RUNX2: variants seen among roughly 807,000 people sequenced by gnomAD.
RUNX2 encodes the protein runt-related transcription factor 2.
Under a neutral mutation model 51.7 loss-of-function variants are expected in RUNX2, and 10 were observed. The observed-to-expected ratio is 0.19, with a 90% CI of 0.12 to 0.33. The LOEUF is 0.33. Among genes scored for constraint, RUNX2 ranks in the 10% least tolerant of loss-of-function variants. RUNX2 has a pLI of 1.00. For synonymous variants in RUNX2, 276 were observed against 273.6 expected, an observed-to-expected ratio of 1.01 and a Z score of -0.09; for missense variants, 562 against 691.3, an observed-to-expected ratio of 0.81 and a Z score of 2.10.
chr6:45,470,766 T>A (rs1477719651), intron 5 of RUNX2, among the ~76,000 whole-genome samples: 2 of 152,242 alleles, frequency 1.3e-5, no homozygotes, highest in East Asian at 3.8e-4. Flanking sequence ...CTAACAGGCC[T>A]GTTTCCCCTT....
At chr6:45,530,596 T>C (rs777989495) in intron 7 of RUNX2, among the ~76,000 whole-genome samples, 29 of 152,194 alleles carry the variant, frequency 1.9e-4, no homozygotes, top group Non-Finnish European at 3.7e-4. Context: ...AGGATGCTGC[T>C]GGTCATCCAA....
At chr6:45,345,891 A>G (rs751245351) in intron 2 of RUNX2, among the ~76,000 whole-genome samples, 3 of 152,114 alleles carry the variant, frequency 2.0e-5, no homozygotes, top group African/African-American at 4.8e-5. Flanking sequence ...GTTTCTCTCT[A>G]GACACAGTAA....
chr6:45,456,309 G>T (rs1292390292), intron 5 of RUNX2, among the ~76,000 whole-genome samples: 1 of 152,010 alleles, frequency 6.6e-6, no homozygotes, highest in Non-Finnish European at 1.5e-5. Flanking sequence ...CAAAGGAATT[G>T]ACTGACCTAT....
At chr6:45,391,538 G>A (rs1335121925) in intron 2 of RUNX2, among the ~76,000 whole-genome samples, 3 of 152,232 alleles carry the variant, frequency 2.0e-5, no homozygotes, top group Non-Finnish European at 2.9e-5. Context: ...CTAACACAAT[G>A]TATTAGTCTG....
intron 5 of RUNX2, among the ~76,000 whole-genome samples, chr6:45,457,501 G>A (rs74438137): frequency 0.026 from 3,914 of 150,996 alleles, 140 homozygotes; most frequent in African/African-American, 0.091. Context: ...ATGAGAGGAT[G>A]TAGATTTGAA....
intron 2 of RUNX2, among the ~76,000 whole-genome samples, chr6:45,330,103 T>C (rs993801890): frequency 6.6e-6 from 1 of 151,856 alleles, no homozygotes; most frequent in African/African-American, 2.4e-5. Context: ...TGAGGAAATG[T>C]ACTTTGTATT....
intron 6 of RUNX2, among the ~76,000 whole-genome samples, chr6:45,504,248 G>T (rs562749670): frequency 1.3e-5 from 2 of 152,330 alleles, no homozygotes; most frequent in Admixed American, 1.3e-4. Context: ...AGTCAGCTCT[G>T]CATGGCTTCA....
chr6:45,401,175 T>G (rs1385028928), intron 2 of RUNX2, among the ~76,000 whole-genome samples: 4 of 152,238 alleles, frequency 2.6e-5, no homozygotes, highest in African/African-American at 9.6e-5. Flanking sequence ...TATCTTCCAG[T>G]GGGTAAACCC....
intron 6 of RUNX2, among the ~76,000 whole-genome samples, chr6:45,497,981 C>T (rs1228837391): frequency 2.0e-5 from 3 of 152,150 alleles, no homozygotes; most frequent in Non-Finnish European, 4.4e-5. Context: ...ATTAGTTTAA[C>T]TCATACGTTC....
At chr6:45,388,825 C>G (rs1356080000) in intron 2 of RUNX2, among the ~76,000 whole-genome samples, 1 of 147,298 alleles carries the variant, frequency 6.8e-6, no homozygotes, top group Non-Finnish European at 1.5e-5. Flanking sequence ...AAAGCAAATA[C>G]TATAAAAAAA....
chr6:45,489,332 A>G (rs1800384878), intron 5 of RUNX2, among the ~76,000 whole-genome samples: 1 of 152,166 alleles, frequency 6.6e-6, no homozygotes, highest in Non-Finnish European at 1.5e-5. Context: ...GTCCTAGCCT[A>G]AGTCCTTTAT....
intron 2 of RUNX2, 114 bp from the exon 3 acceptor site, chr6:45,422,478 TC>T (rs558677279): frequency 1.4e-5 from 8 of 569,502 alleles, no homozygotes; most frequent in Non-Finnish European, 2.2e-5. Flanking sequence ...CCATCCTCTT[TC>T]CCCCCGTCTC....
intron 5 of RUNX2, among the ~76,000 whole-genome samples, chr6:45,465,679 A>G (rs188518633): frequency 6.7e-6 from 1 of 150,366 alleles, no homozygotes; most frequent in East Asian, 2.0e-4. Context: ...TCTCATTTCA[A>G]TTGCCCAGGC....
chr6:45,474,492 G>A (rs1799897825), intron 5 of RUNX2, among the ~76,000 whole-genome samples: 1 of 151,746 alleles, frequency 6.6e-6, no homozygotes, highest in Non-Finnish European at 1.5e-5. Flanking sequence ...CAGTCTTCCT[G>A]GTTAGTCTTT....
At chr6:45,423,030 G>C (rs1162366179) in intron 3 of RUNX2, 73 bp downstream of exon 3, 16 of 1,561,966 alleles carry the variant, frequency 1.0e-5, no homozygotes, top group Admixed American at 3.6e-5. Context: ...TCCTGCCCAC[G>C]GGGCTGGGCC....
At chr6:45,511,670 C>T (rs1160630592) in intron 6 of RUNX2, among the ~76,000 whole-genome samples, 1 of 152,140 alleles carries the variant, frequency 6.6e-6, no homozygotes, top group Non-Finnish European at 1.5e-5. Flanking sequence ...TCACCCCATG[C>T]TAGAAAGGGC....
chr6:45,409,983 T>C (rs1563073520), intron 2 of RUNX2, among the ~76,000 whole-genome samples: 2 of 152,216 alleles, frequency 1.3e-5, no homozygotes, highest in Non-Finnish European at 2.9e-5. Flanking sequence ...AAAATGAGTC[T>C]GAGTTTGGGG....
At chr6:45,343,217 T>C (rs914192211) in intron 2 of RUNX2, among the ~76,000 whole-genome samples, 1 of 152,130 alleles carries the variant, frequency 6.6e-6, no homozygotes, top group Non-Finnish European at 1.5e-5. Flanking sequence ...TTGTTAAAAA[T>C]GCAGAATCTC....
intron 2 of RUNX2, among the ~76,000 whole-genome samples, chr6:45,373,327 C>CA (rs1563048111): frequency 6.6e-6 from 1 of 151,976 alleles, no homozygotes; most frequent in African/African-American, 2.4e-5. Context: ...AACTACAGTA[C>CA]AAAAAAGCCT....
Sources: gnomAD v4.1 joint callset for allele counts (sites outside exome capture counted in the v4.1 genomes callset) on GRCh38, gnomAD v4.1.1 for gene constraint, MANE v1.5 for transcripts, NCBI Gene and HGNC (gene_info 2026-07-23, HGNC 2026-07-21) for gene names.